LINGO2: variants seen among roughly 807,000 people sequenced by gnomAD.
LINGO2 encodes the protein leucine rich repeat and Ig domain containing 2.
Under a neutral mutation model 30.6 loss-of-function variants are expected in LINGO2, and 14 were observed. The ratio of observed to expected loss-of-function variants is 0.46; its 90% CI spans 0.30 to 0.72. The LOEUF is 0.72. Ranked by LOEUF, LINGO2 falls within the 30% of genes least tolerant of loss-of-function variation. The pLI, the probability that LINGO2 is intolerant of heterozygous loss-of-function variation, is 0.07. For synonymous variants in LINGO2, 317 were observed against 288.5 expected (o/e 1.10, Z -1.00); for missense variants, 729 against 751.7 (o/e 0.97, Z 0.35).
chr9:28,223,908 G>C (rs7855521), intron 4 of LINGO2, among the ~76,000 whole-genome samples: 52,327 of 152,012 alleles, frequency 0.34, 9,351 homozygotes, highest in East Asian at 0.41. Flanking sequence ...TTTTGTAGTA[G>C]ATATTTTGAG....
chr9:29,166,498 C>T, the LINGO2 span, among the ~76,000 whole-genome samples: 1 of 152,096 alleles, frequency 6.6e-6, no homozygotes, highest in Admixed American at 6.6e-5. Flanking sequence ...GTTTATGACC[C>T]TGTCTAGTCA....
At chr9:28,019,913 T>G (rs1823029968) in intron 4 of LINGO2, among the ~76,000 whole-genome samples, 2 of 152,112 alleles carry the variant, frequency 1.3e-5, no homozygotes, top group Admixed American at 1.3e-4. Flanking sequence ...CCAGGTCTGT[T>G]TCCCAAACTT....
At chr9:28,586,302 G>T (rs545840328) in intron 1 of LINGO2, among the ~76,000 whole-genome samples, 2 of 152,066 alleles carry the variant, frequency 1.3e-5, no homozygotes, top group East Asian at 3.9e-4. Flanking sequence ...CTGCCTCCCA[G>T]TGGTAACCAC....
At chr9:28,481,020 T>C (rs543664999) in intron 1 of LINGO2, among the ~76,000 whole-genome samples, 11 of 152,230 alleles carry the variant, frequency 7.2e-5, no homozygotes, top group Middle Eastern at 3.4e-3. Context: ...TCCAAAACTA[T>C]AATGTTGTCA....
intron 1 of LINGO2, among the ~76,000 whole-genome samples, chr9:28,651,169 C>A (rs1828086350): frequency 6.9e-6 from 1 of 145,268 alleles, no homozygotes; most frequent in African/African-American, 2.6e-5. Context: ...GGCGACAGAG[C>A]AAGACTCAGT....
chr9:28,998,864 G>A, the LINGO2 span, among the ~76,000 whole-genome samples: 4 of 151,834 alleles, frequency 2.6e-5, no homozygotes, highest in African/African-American at 9.7e-5. Flanking sequence ...CACAGGTCTA[G>A]GGACAGTACA....
At chr9:29,004,160 C>A in the LINGO2 span, among the ~76,000 whole-genome samples, 1 of 151,850 alleles carries the variant, frequency 6.6e-6, no homozygotes, top group African/African-American at 2.4e-5. Flanking sequence ...TATGTTAGGT[C>A]TATTTTCTTT....
intron 4 of LINGO2, among the ~76,000 whole-genome samples, chr9:28,239,810 AG>A (rs748366621): frequency 6.6e-6 from 1 of 152,166 alleles, no homozygotes; most frequent in Non-Finnish European, 1.5e-5. Flanking sequence ...AAAGAAATAA[AG>A]GGCATCCAAA....
chr9:27,973,280 T>C (rs1310243254), intron 5 of LINGO2, among the ~76,000 whole-genome samples: 1 of 152,200 alleles, frequency 6.6e-6, no homozygotes, highest in Non-Finnish European at 1.5e-5. Context: ...TCTCCAGTTT[T>C]AGTATACTAA....
intron 4 of LINGO2, among the ~76,000 whole-genome samples, chr9:28,117,255 G>T (rs990533630): frequency 1.3e-5 from 2 of 151,750 alleles, no homozygotes; most frequent in African/African-American, 4.8e-5. Flanking sequence ...ACTTGAGGAG[G>T]CAGTCTGCCC....
the LINGO2 span, among the ~76,000 whole-genome samples, chr9:28,760,507 A>AT: frequency 3.3e-5 from 5 of 152,028 alleles, no homozygotes; most frequent in Admixed American, 1.3e-4. Flanking sequence ...TTCTTTTTTA[A>AT]TTTTTTATTT....
the LINGO2 span, among the ~76,000 whole-genome samples, chr9:29,012,062 TA>T: frequency 6.6e-6 from 1 of 152,048 alleles, no homozygotes; most frequent in South Asian, 2.1e-4. Flanking sequence ...AAAACAACTT[TA>T]AAAAATATTA....
chr9:28,664,225 A>G (rs1214107899), intron 1 of LINGO2, among the ~76,000 whole-genome samples: 1 of 152,174 alleles, frequency 6.6e-6, no homozygotes, highest in Non-Finnish European at 1.5e-5. Flanking sequence ...ACTATGGCTA[A>G]GGGAATCTAG....
chr9:28,934,571 T>TA, the LINGO2 span, among the ~76,000 whole-genome samples: 1 of 152,126 alleles, frequency 6.6e-6, no homozygotes, highest in East Asian at 1.9e-4. Flanking sequence ...TTTCAATCCC[T>TA]AAAAAAATCA....
chr9:28,224,463 G>A (rs575115113), intron 4 of LINGO2, among the ~76,000 whole-genome samples: 1 of 152,198 alleles, frequency 6.6e-6, no homozygotes, highest in South Asian at 2.1e-4. Flanking sequence ...CAGGATAACT[G>A]GGATATCCAT....
the LINGO2 span, among the ~76,000 whole-genome samples, chr9:28,784,856 G>A: frequency 6.6e-6 from 1 of 151,864 alleles, no homozygotes; most frequent in African/African-American, 2.4e-5. Context: ...GCTGAGGCAG[G>A]AGAATTGCTG....
At chr9:28,982,554 TA>T in the LINGO2 span, among the ~76,000 whole-genome samples, 1 of 152,076 alleles carries the variant, frequency 6.6e-6, no homozygotes, top group South Asian at 2.1e-4. Flanking sequence ...ATTTTCAAAA[TA>T]AGGTATCATA....
At chr9:28,944,132 TC>T in the LINGO2 span, among the ~76,000 whole-genome samples, 1 of 152,172 alleles carries the variant, frequency 6.6e-6, no homozygotes, top group Non-Finnish European at 1.5e-5. Flanking sequence ...TTCTACCACA[TC>T]TAGACAGTTA....
At chr9:28,253,763 T>C (rs892624067) in intron 4 of LINGO2, among the ~76,000 whole-genome samples, 4 of 152,102 alleles carry the variant, frequency 2.6e-5, no homozygotes, top group African/African-American at 7.2e-5. Context: ...CTCAGTTTCA[T>C]TTGTAAAATG....
Sources: allele counts gnomAD v4.1 joint callset (sites outside exome capture counted in the v4.1 genomes callset), GRCh38; gene constraint gnomAD v4.1.1; transcripts MANE v1.5; gene names NCBI Gene and HGNC (gene_info 2026-07-23, HGNC 2026-07-21).